HSF5: variants seen among roughly 807,000 people sequenced by gnomAD.
HSF5 encodes the protein heat shock transcription factor 5.
A neutral mutation model predicts 50.8 loss-of-function variants in HSF5; 5 were observed. That is an observed-to-expected ratio of 0.10 (90% confidence interval 0.05 to 0.21). The LOEUF is 0.21. HSF5 is among the 10% of genes least tolerant of loss of function. The pLI is 1.00. For synonymous variants in HSF5, 307 were observed against 307.4 expected, an observed-to-expected ratio of 1.00 and a Z score of 0.02; for missense variants, 564 against 762.6, an observed-to-expected ratio of 0.74 and a Z score of 3.07.
chr17:58,454,378 A>G (rs1974681500), intron 5 of HSF5, among the ~76,000 whole-genome samples: 1 of 152,250 alleles, frequency 6.6e-6, no homozygotes. Context: ...AGCTAACATT[A>G]CATTGAATGA....
chr17:58,461,131 T>G (rs1342617402), intron 4 of HSF5, among the ~76,000 whole-genome samples: 1 of 151,852 alleles, frequency 6.6e-6, no homozygotes, highest in Non-Finnish European at 1.5e-5. Flanking sequence ...GAAGGATTCC[T>G]TGAACCCAGG....
At chr17:58,425,744 A>T (rs1039225886) in intron 5 of HSF5, among the ~76,000 whole-genome samples, 1 of 152,192 alleles carries the variant, frequency 6.6e-6, no homozygotes, top group Non-Finnish European at 1.5e-5. Context: ...CATTGTGTCA[A>T]GGTCATGTAA....
intron 5 of HSF5, among the ~76,000 whole-genome samples, chr17:58,432,401 G>A (rs758282895): frequency 3.9e-5 from 6 of 152,186 alleles, no homozygotes; most frequent in Non-Finnish European, 8.8e-5. Flanking sequence ...AGATGGCATG[G>A]TCAGGAAGAT....
At chr17:58,449,517 T>C (rs1022442036) in intron 5 of HSF5, among the ~76,000 whole-genome samples, 1 of 150,242 alleles carries the variant, frequency 6.7e-6, no homozygotes, top group Non-Finnish European at 1.5e-5. Context: ...CTGGCCAACA[T>C]GGTGAAACCC....
chr17:58,452,208 C>A (rs1483958035), intron 5 of HSF5, among the ~76,000 whole-genome samples: 1 of 151,710 alleles, frequency 6.6e-6, no homozygotes, highest in Non-Finnish European at 1.5e-5. Context: ...TATTATCGTG[C>A]CACTGTACTA....
At chr17:58,473,803 T>C (rs553354567) in intron 2 of HSF5, among the ~76,000 whole-genome samples, 16 of 152,332 alleles carry the variant, frequency 1.1e-4, no homozygotes, top group Admixed American at 9.8e-4. Flanking sequence ...TATGAAATAT[T>C]ATAAAATTCA....
At chr17:58,449,699 C>CA (rs200922146) in intron 5 of HSF5, among the ~76,000 whole-genome samples, 81 of 132,722 alleles carry the variant, frequency 6.1e-4, no homozygotes, top group Non-Finnish European at 7.1e-4. Context: ...GGCTCCATCT[C>CA]AAAAAAAAAA....
At position 58,451,093 on chromosome 17, in the gene HSF5, A is replaced by G. The variant is rs115967655; in HGVS notation, c.1720+7675T>C. On this transcript the variant is annotated intron_variant, in intron 5 of 5. Transcript: ENST00000323777. ...AACAGAGTGAAACTCTGTCTCAGAAATAATAATGATGATGACGATAAAGGG... is the reference window on the plus strand; with the variant it reads ...AACAGAGTGAAACTCTGTCTCAGAAGTAATAATGATGATGACGATAAAGGG... 2.6e-3 allele frequency among the ~76,000 whole-genome samples: 393 copies of G among 152,332 alleles called. 5 individuals carry two copies. The highest frequency in any genetic ancestry group is 9.1e-3 in the African/African-American group (379 of 41,568).
intron 2 of HSF5, chr17:58,476,208 C>G (rs1242265559): frequency 2.2e-6 from 2 of 909,422 alleles, no homozygotes; most frequent in African/African-American, 3.3e-5. Context: ...TCATTTCCTT[C>G]TAATCAATAT....
intron 5 of HSF5, among the ~76,000 whole-genome samples, chr17:58,425,550 G>A (rs1371947497): frequency 7.8e-6 from 1 of 128,708 alleles, no homozygotes; most frequent in African/African-American, 2.8e-5. Context: ...ACTCCAGCCT[G>A]GGCAACATAG....
rs1188126892 is a variant in HSF5 at position 58,488,014 on chromosome 17, G to A, written c.261C>T (p.Tyr87=). The A allele has an allele frequency of 6.2e-7, 1 of 1,609,388 alleles. No homozygotes were observed. The highest frequency in any genetic ancestry group is 2.2e-5 in the East Asian group (1 of 44,694). The part of the protein sequence containing the change: ...FTSFIRQLNL[Y]GFRKVVLGGP... Reference sequence around the variant, plus strand: ...CGCCCAGCACCACCTTGCGGAAGCCGTAGAGGTTGAGCTGGCGGATGAAGC... The same window carrying A: ...CGCCCAGCACCACCTTGCGGAAGCCATAGAGGTTGAGCTGGCGGATGAAGC... Residue 87 remains tyrosine, a synonymous_variant, in exon 1 of 6, where the codon TAC becomes TAT. Coordinates refer to ENST00000323777, the MANE Select transcript of HSF5 (RefSeq NM_001080439.3). The surrounding 1 kb of genome is among the most constrained non-coding windows in gnomAD (Gnocchi z 4.1).
chr17:58,461,538 A>T (rs1293330138), intron 4 of HSF5, among the ~76,000 whole-genome samples: 1 of 152,162 alleles, frequency 6.6e-6, no homozygotes, highest in Non-Finnish European at 1.5e-5. Flanking sequence ...AGAAAAAAAT[A>T]AAAAGTAGGA....
chr17:58,486,036 G>A (rs1429832887), intron 1 of HSF5, among the ~76,000 whole-genome samples: 1 of 150,100 alleles, frequency 6.7e-6, no homozygotes, highest in African/African-American at 2.5e-5. Flanking sequence ...GCCATTGCAC[G>A]CCAGCCTGGG....
intron 5 of HSF5, among the ~76,000 whole-genome samples, chr17:58,450,077 TG>T (rs1974615530): frequency 6.7e-6 from 1 of 148,434 alleles, no homozygotes; most frequent in Non-Finnish European, 1.5e-5. Context: ...AGCTCACACC[TG>T]TAATCCTAGC....
chr17:58,472,866 CA>C (rs1363347691), intron 2 of HSF5, among the ~76,000 whole-genome samples: 26 of 152,136 alleles, frequency 1.7e-4, no homozygotes, highest in African/African-American at 6.0e-4. Context: ...TCTGGTGAGT[CA>C]ATAACCCAGA....
chr17:58,429,807 C>CT lies in HSF5; in HGVS notation c.1721-7378dup, dbSNP rs1974340456. Among the ~76,000 whole-genome samples, 3 of 148,624 alleles carry CT rather than the reference C, an allele frequency of 2.0e-5. No individual in the cohort carries two copies. The South Asian group carries it at 6.4e-4, about 31-fold the overall frequency. On this transcript the variant is annotated intron_variant, in intron 5 of 5. Transcript: ENST00000323777. Reference sequence around the variant, plus strand: ...GTTGCAGTGAGCCAAGATCACACCACTGCACTCCAGCCTGGGCAACAAAGC... The same window carrying CT: ...GTTGCAGTGAGCCAAGATCACACCACTTGCACTCCAGCCTGGGCAACAAAGC...
At chr17:58,486,122 G>C (rs1432551895) in intron 1 of HSF5, among the ~76,000 whole-genome samples, 1 of 151,872 alleles carries the variant, frequency 6.6e-6, no homozygotes, top group African/African-American at 2.4e-5. Flanking sequence ...CCAGCACTTT[G>C]GGAGGCCAAG....
At chr17:58,450,322 G>A (rs913560275) in intron 5 of HSF5, among the ~76,000 whole-genome samples, 1 of 102,854 alleles carries the variant, frequency 9.7e-6, no homozygotes, top group Non-Finnish European at 1.8e-5. Context: ...CTGGGTGAGA[G>A]AGTGAGACTT....
At chr17:58,444,491 GTATT>G (rs1445115431) in intron 5 of HSF5, among the ~76,000 whole-genome samples, 1 of 152,104 alleles carries the variant, frequency 6.6e-6, no homozygotes, top group African/African-American at 2.4e-5. Flanking sequence ...TTAACAAATG[GTATT>G]GGGAAAACTG....
Sources: gnomAD v4.1 joint callset for allele counts (sites outside exome capture counted in the v4.1 genomes callset) on GRCh38, gnomAD v4.1.1 for gene constraint, Gnocchi (gnomAD v3.1) non-coding constraint, MANE v1.5 for transcripts, NCBI Gene and HGNC (gene_info 2026-07-23, HGNC 2026-07-21) for gene names.